The following ABLIM2 variants were observed in gnomAD, a reference collection of about 807,000 sequenced individuals.
ABLIM2 encodes the protein actin binding LIM protein family member 2.
ABLIM2 carries 53 observed loss-of-function variants against 97.7 expected under a neutral mutation model. The ratio of observed to expected loss-of-function variants is 0.54; its 90% CI spans 0.44 to 0.68. The LOEUF (loss-of-function observed/expected upper bound fraction) is 0.68. Ranked by LOEUF, ABLIM2 falls within the 30% of genes least tolerant of loss-of-function variation. The pLI, the probability that ABLIM2 is intolerant of heterozygous loss-of-function variation, is 0.00. For missense variants in ABLIM2, 835 were observed against 867.2 expected (o/e 0.96, Z 0.47); for synonymous variants, 361 against 345.8 (o/e 1.04, Z -0.49).
chr4:8,080,569 G>C, intron 5 of ABLIM2, 107 bp downstream of exon 5: 1 of 1,283,228 alleles, frequency 7.8e-7, no homozygotes, highest in Middle Eastern at 2.4e-4. Flanking sequence ...GTGAGGAATA[G>C]GAGAGACACA....
intron 2 of ABLIM2, among the ~76,000 whole-genome samples, chr4:8,100,601 C>G (rs894383799): frequency 6.6e-6 from 1 of 151,956 alleles, no homozygotes; most frequent in Non-Finnish European, 1.5e-5. Flanking sequence ...GCAAAACTAG[C>G]TGGGTGTGGT....
rs189314494 is a variant in ABLIM2 at position 8,158,786 on chromosome 4, C to G, written c.-97G>C. ...CCCGCGCTATCCTCCGCCCGCCCGC[C>G]GGCTCCGCGCCCGCTCCTTGCGCAC... On this transcript the variant is annotated 5_prime_UTR_variant, in exon 1 of 21. Transcript: ENST00000447017. The G allele has an allele frequency of 4.7e-4, 532 of 1,137,470 alleles. 4 individuals carry two copies. The African/African-American group carries it at 5.1e-3, about 11-fold the overall frequency. The allele number at this position is 1,137,470 out of a possible 1,614,324, so 70.5% of individuals were successfully genotyped here. A position where few individuals can be genotyped will look rare whatever the true frequency, so the allele number is the denominator to read the frequency against.
In ABLIM2 at chr4:7,984,847, C is replaced by G; in HGVS notation, c.1727G>C (p.Gly576Ala). Residue 576 changes from glycine to alanine, a missense_variant, in exon 18 of 21, where the codon GGC becomes GCC. Coordinates refer to ENST00000447017, the MANE Select transcript of ABLIM2 (RefSeq NM_001130083.2). ...PCGADPDASWGMREYKIYPYD... is the reference protein window; with the variant it reads ...PCGADPDASWAMREYKIYPYD... ...GTCCCCGCTCTGTGTACCTCGCATGCCCCAGCTGGCATCCGGGTCTGCTCC... is the reference window on the plus strand; with the variant it reads ...GTCCCCGCTCTGTGTACCTCGCATGGCCCAGCTGGCATCCGGGTCTGCTCC... The G allele has an allele frequency of 1.2e-6, 2 of 1,603,938 alleles. No individual in the cohort carries two copies. The highest frequency in any genetic ancestry group is 8.5e-7 in the Non-Finnish European group (1 of 1,175,844).
At chr4:8,109,576 C>T (rs952821817) in intron 1 of ABLIM2, among the ~76,000 whole-genome samples, 2 of 152,178 alleles carry the variant, frequency 1.3e-5, no homozygotes, top group African/African-American at 4.8e-5. Flanking sequence ...GGCCACCCAT[C>T]CTCGCCTAGG....
At chr4:8,089,710 G>A (rs1212427033) in intron 3 of ABLIM2, among the ~76,000 whole-genome samples, 1 of 139,678 alleles carries the variant, frequency 7.2e-6, no homozygotes, top group Non-Finnish European at 1.5e-5. Flanking sequence ...CTCCAGGCTG[G>A]GCCAAAGAGT....
intron 1 of ABLIM2, among the ~76,000 whole-genome samples, chr4:8,144,131 C>T (rs575484194): frequency 1.3e-5 from 2 of 152,330 alleles, no homozygotes; most frequent in South Asian, 4.1e-4. Flanking sequence ...CCTGCTGGGC[C>T]ACAGGGGTGC....
intron 2 of ABLIM2, among the ~76,000 whole-genome samples, chr4:8,106,205 T>C (rs1837319997): frequency 6.6e-6 from 1 of 152,226 alleles, no homozygotes; most frequent in Non-Finnish European, 1.5e-5. Flanking sequence ...CACCTTCCTC[T>C]GGCCGCAGGA....
chr4:8,072,150 A>T lies in ABLIM2; in HGVS notation c.675+5478T>A. 1 of 788,722 alleles carries T rather than the reference A, an allele frequency of 1.3e-6. No homozygotes were observed. Among genetic ancestry groups the T allele is most frequent in the Non-Finnish European group, 1.5e-6 (1 of 650,136 alleles). 48.9% of individuals were successfully genotyped at this position (788,722 alleles called of 1,614,324 possible). A position where few individuals can be genotyped will look rare whatever the true frequency, so the allele number is the denominator to read the frequency against. On this transcript the variant is annotated intron_variant, in intron 6 of 20. Coordinates refer to ENST00000447017, the MANE Select transcript of ABLIM2 (RefSeq NM_001130083.2). This position sits in a 1 kb window ranked among gnomAD's most constrained non-coding sequence, Gnocchi z 5.8. ...TTCCCCAGGAGGCCCTTTCTCCTCC[A>T]CAGCAGAGGAGGAGGAAAAAACCCA... is the stretch of plus-strand genomic sequence containing the variant.
intron 7 of ABLIM2, among the ~76,000 whole-genome samples, chr4:8,055,870 C>T (rs1424218518): frequency 6.6e-6 from 1 of 152,052 alleles, no homozygotes; most frequent in African/African-American, 2.4e-5. Flanking sequence ...CCCAGCACTT[C>T]AGGAGGCCAA....
intron 4 of ABLIM2, among the ~76,000 whole-genome samples, chr4:8,084,227 C>T (rs770534141): frequency 3.9e-5 from 6 of 152,206 alleles, no homozygotes; most frequent in African/African-American, 1.2e-4. Context: ...TCGGCCCCAG[C>T]GCACTGCGGT....
At chr4:8,098,901 T>C (rs889192241) in intron 2 of ABLIM2, among the ~76,000 whole-genome samples, 1 of 152,336 alleles carries the variant, frequency 6.6e-6, no homozygotes, top group African/African-American at 2.4e-5. Context: ...TGATTCTGAA[T>C]TCTGTCTCAA....
At chr4:8,064,638 C>A (rs978111944) in intron 6 of ABLIM2, among the ~76,000 whole-genome samples, 1 of 152,182 alleles carries the variant, frequency 6.6e-6, no homozygotes, top group African/African-American at 2.4e-5. Context: ...GTGTCCTGAA[C>A]GAACAACATG....
chr4:8,034,244 G>A (rs1782776687), intron 10 of ABLIM2, among the ~76,000 whole-genome samples: 1 of 152,156 alleles, frequency 6.6e-6, no homozygotes, highest in South Asian at 2.1e-4. Context: ...CATGTGGTAG[G>A]TGGGTACAGG....
At chr4:7,980,631 C>T (rs753668348) in intron 20 of ABLIM2, among the ~76,000 whole-genome samples, 1 of 151,094 alleles carries the variant, frequency 6.6e-6, no homozygotes, top group South Asian at 2.1e-4. Flanking sequence ...AGAAGAATCA[C>T]TTGAGTCTGG....
chr4:8,030,636 C>G (rs917263661), intron 10 of ABLIM2, among the ~76,000 whole-genome samples: 3 of 152,208 alleles, frequency 2.0e-5, no homozygotes, highest in African/African-American at 7.2e-5. Context: ...TTCCTACCTG[C>G]GCTTCACCCT....
chr4:7,973,056 C>CAATG (rs1229446381), intron 20 of ABLIM2, among the ~76,000 whole-genome samples: 2 of 118,650 alleles, frequency 1.7e-5, no homozygotes, highest in Non-Finnish European at 3.8e-5. Context: ...AGGACTCCAG[C>CAATG]AATGAGCTGC....
At position 8,132,168 on chromosome 4, in the gene ABLIM2, C is replaced by G. The variant is rs1431625694; in HGVS notation, c.11-25531G>C. Among the ~76,000 whole-genome samples the G allele has an allele frequency of 1.3e-5, 2 of 151,998 alleles. No individual in the cohort carries two copies. Among genetic ancestry groups the G allele is most frequent in the Non-Finnish European group, 2.9e-5 (2 of 67,982 alleles). ...TTGGAAAGGAAACAGCGTACATGGT[C>G]CCACGAGGCTGCAATCACCCCCCTG... On this transcript the variant is annotated intron_variant, in intron 1 of 20. Transcript: ENST00000447017. The surrounding 1 kb of genome is among the most constrained non-coding windows in gnomAD (Gnocchi z 8.0).
chr4:8,046,144 C>T lies in ABLIM2; in HGVS notation c.823-903G>A, dbSNP rs1792241614. 6.6e-6 allele frequency among the ~76,000 whole-genome samples: 1 copy of T among 152,154 alleles called. No homozygotes were observed. Among genetic ancestry groups the T allele is most frequent in the African/African-American group, 2.4e-5 (1 of 41,424 alleles). On this transcript the variant is annotated intron_variant, in intron 8 of 20. Coordinates refer to ENST00000447017, the MANE Select transcript of ABLIM2 (RefSeq NM_001130083.2). The surrounding 1 kb of genome is among the most constrained non-coding windows in gnomAD (Gnocchi z 4.4). ...GGGACCTGTGTCCTCCTTACATGCT[C>T]GCTGCTGTCTGGGGCCACTCCTCCC...
Position 8,127,496 on chromosome 4 carries a change from T to G in ABLIM2, c.11-20859A>C, listed in dbSNP as rs1309104801. The G allele has an allele frequency of 7.8e-7, 1 of 1,289,478 alleles. No individual in the cohort carries two copies. Among genetic ancestry groups the G allele is most frequent in the East Asian group, 5.6e-5 (1 of 18,008 alleles). 79.9% of individuals were successfully genotyped at this position (1,289,478 alleles called of 1,614,324 possible). On this transcript the variant is annotated intron_variant, in intron 1 of 20. Coordinates refer to ENST00000447017, the MANE Select transcript of ABLIM2 (RefSeq NM_001130083.2). This position sits in a 1 kb window ranked among gnomAD's most constrained non-coding sequence, Gnocchi z 7.3. Reference sequence around the variant, plus strand: ...GTCCCCTGAAGCTGACTCATGGAGCTCACGGCTCCCAGCCGGATGGTCTGG... The same window carrying G: ...GTCCCCTGAAGCTGACTCATGGAGCGCACGGCTCCCAGCCGGATGGTCTGG...
Sources: allele counts gnomAD v4.1 joint callset (sites outside exome capture counted in the v4.1 genomes callset), GRCh38; gene constraint gnomAD v4.1.1; non-coding constraint Gnocchi (gnomAD v3.1); transcripts MANE v1.5; gene names NCBI Gene and HGNC (gene_info 2026-07-23, HGNC 2026-07-21).